The following TXNDC16 variants were observed in gnomAD, a reference collection of about 807,000 sequenced individuals.
The protein encoded by TXNDC16 is thioredoxin domain containing 16.
Under a neutral mutation model 85.6 loss-of-function variants are expected in TXNDC16, and 74 were observed. The ratio of observed to expected loss-of-function variants is 0.86; its 90% CI spans 0.72 to 1.05. The LOEUF is 1.05. TXNDC16 is among the 50% of genes least tolerant of loss of function. The probability of loss-of-function intolerance (pLI) is 0.00; values close to 1 mark genes in which losing one functional copy is unlikely to be tolerated. For missense variants in TXNDC16, 959 were observed against 947.0 expected (o/e 1.01, Z -0.17); for synonymous variants, 335 against 326.5 (o/e 1.03, Z -0.28).
At chr14:52,490,586 A>G (rs1055774351) in intron 10 of TXNDC16, 135 bp from the exon 11 acceptor site, 28 of 799,064 alleles carry the variant, frequency 3.5e-5, no homozygotes, top group Admixed American at 1.5e-4. Context: ...TGACTGAAAA[A>G]TTTTACACGT....
At chr14:52,527,509 G>T (rs965797882) in intron 6 of TXNDC16, among the ~76,000 whole-genome samples, 1 of 152,094 alleles carries the variant, frequency 6.6e-6, no homozygotes, top group Admixed American at 6.6e-5. Flanking sequence ...TTCCTCTTCT[G>T]CTCTTATATT....
chr14:52,534,039 G>A (rs2037644608), intron 6 of TXNDC16, among the ~76,000 whole-genome samples: 1 of 152,072 alleles, frequency 6.6e-6, no homozygotes, highest in African/African-American at 2.4e-5. Flanking sequence ...GTATGGTGAG[G>A]GCAGCTTCCC....
In TXNDC16 at chr14:52,543,433, G is replaced by T; in HGVS notation, c.125C>A (p.Pro42Gln). ...SPQKYFSTLQPGKASLAYFCQ... is the reference protein window; with the variant it reads ...SPQKYFSTLQQGKASLAYFCQ... ...AAAATAAGCTAAAGAGGCTTTTCCT[G>T]GTTGCAATGTACTAAAATATTTCTG... Residue 42 changes from proline to glutamine, a missense_variant, in exon 3 of 21, where the codon CCA becomes CAA. Coordinates refer to ENST00000281741, the MANE Select transcript of TXNDC16 (RefSeq NM_020784.3). The T allele has an allele frequency of 6.2e-7, 1 of 1,611,834 alleles. No individual in the cohort carries two copies. The highest frequency in any genetic ancestry group is 8.5e-7 in the Non-Finnish European group (1 of 1,179,232).
At chr14:52,460,769 T>C (rs1177328175) in intron 16 of TXNDC16, among the ~76,000 whole-genome samples, 1 of 152,018 alleles carries the variant, frequency 6.6e-6, no homozygotes, top group East Asian at 1.9e-4. Context: ...GTCTATAGAA[T>C]ATGTCTCTTC....
chr14:52,491,345 C>CG (rs2036401090), intron 9 of TXNDC16, among the ~76,000 whole-genome samples: 11 of 107,496 alleles, frequency 1.0e-4, no homozygotes, highest in Admixed American at 2.1e-4. Flanking sequence ...CCATGCCTAG[C>CG]TTTTTTTTTT....
intron 10 of TXNDC16, among the ~76,000 whole-genome samples, 166 bp from the exon 11 acceptor site, chr14:52,490,617 A>C (rs1329740049): frequency 6.6e-6 from 1 of 152,230 alleles, no homozygotes; most frequent in Non-Finnish European, 1.5e-5. Flanking sequence ...CAGATTTTCT[A>C]GTCTCCATCT....
chr14:52,497,834 T>C (rs1255437480), intron 9 of TXNDC16, among the ~76,000 whole-genome samples: 3 of 148,412 alleles, frequency 2.0e-5, no homozygotes, highest in African/African-American at 7.6e-5. Flanking sequence ...TGAGCCGAGA[T>C]TGCGCCACTG....
In TXNDC16 at chr14:52,544,477, C is replaced by A. The variant is rs191875801; in HGVS notation, c.-181-106G>T. On this transcript the variant is annotated intron_variant, in intron 1 of 20. Coordinates refer to ENST00000281741, the MANE Select transcript of TXNDC16 (RefSeq NM_020784.3). ...TATTTTTAAAATTTCAAACAGGACC[C>A]ATCTCTTTCAAATGCAAGCTCACTA... is the stretch of plus-strand genomic sequence containing the variant. The A allele has an allele frequency of 2.7e-4, 41 of 152,016 alleles. No individual in the cohort carries two copies. In the East Asian group the frequency reaches 6.2e-3, roughly 23 times the overall value. The allele number at this position is 152,016 out of a possible 1,614,324, so 9.4% of individuals were successfully genotyped here.
At position 52,431,936 on chromosome 14, in the gene TXNDC16, C is replaced by T. The variant is rs143569645; in HGVS notation, c.*368G>A. 92 of 180,450 alleles carry T rather than the reference C, an allele frequency of 5.1e-4. No individual in the cohort carries two copies. The East Asian group carries it at 9.8e-3, about 19-fold the overall frequency. 11.2% of individuals were successfully genotyped at this position (180,450 alleles called of 1,614,324 possible). On this transcript the variant is annotated 3_prime_UTR_variant, in exon 21 of 21. Transcript: ENST00000281741. ...AACTGTCCAATACAGTAGTCACAGG[C>T]CACATGTGGCAAGGAACACTTGAAA...
intron 6 of TXNDC16, among the ~76,000 whole-genome samples, chr14:52,535,157 C>T (rs571475488): frequency 6.6e-6 from 1 of 152,246 alleles, no homozygotes; most frequent in African/African-American, 2.4e-5. Flanking sequence ...CATCAGGTAT[C>T]CACCGGAAAA....
rs905738769 is a variant in TXNDC16 at position 52,542,522 on chromosome 14, C to T, written c.161-69G>A. 2.8e-5 allele frequency: 30 copies of T among 1,078,358 alleles called. No individual in the cohort carries two copies. In the African/African-American group the frequency reaches 4.4e-4, roughly 16 times the overall value. The allele number at this position is 1,078,358 out of a possible 1,614,324, so 66.8% of individuals were successfully genotyped here. ...AAAAATGAATTTTAAAATCTGCAAA[C>T]ACAGAATAGATTCATTTGTCCAACT... is the stretch of plus-strand genomic sequence containing the variant. On this transcript the variant is annotated intron_variant, in intron 3 of 20. Transcript: ENST00000281741.
intron 6 of TXNDC16, among the ~76,000 whole-genome samples, chr14:52,534,586 C>G (rs1006237): frequency 1.5e-4 from 23 of 151,876 alleles, no homozygotes; most frequent in Non-Finnish European, 2.6e-4. Context: ...AGCACTTACC[C>G]TTTAACATTC....
chr14:52,467,765 G>GA (rs1467084920), intron 16 of TXNDC16, among the ~76,000 whole-genome samples: 1 of 152,092 alleles, frequency 6.6e-6, no homozygotes, highest in African/African-American at 2.4e-5. Flanking sequence ...CAAAATAATT[G>GA]AAAGCAGAGT....
chr14:52,434,354 T>G (rs2034978592), intron 20 of TXNDC16, among the ~76,000 whole-genome samples: 2 of 152,234 alleles, frequency 1.3e-5, no homozygotes, highest in Admixed American at 1.3e-4. Context: ...TCTACAAAGA[T>G]CTTAATGTTT....
chr14:52,506,777 C>T lies in TXNDC16; in HGVS notation c.756+4463G>A, dbSNP rs1366796398. On this transcript the variant is annotated intron_variant, in intron 9 of 20. Transcript: ENST00000281741. Reference sequence around the variant, plus strand: ...TTCACCTTGTTAGCCAGGATGGTCTCGATCTCCTGACCTCATGATCCACCC... The same window carrying T: ...TTCACCTTGTTAGCCAGGATGGTCTTGATCTCCTGACCTCATGATCCACCC... Among the ~76,000 whole-genome samples, 24 of 142,958 alleles carry T rather than the reference C, an allele frequency of 1.7e-4. 5 individuals are homozygous for T. The East Asian group carries it at 5.0e-3, about 30-fold the overall frequency. 93.8% of individuals were successfully genotyped at this position (142,958 alleles called of 152,430 possible).
chr14:52,478,349 T>G (rs2036065366), intron 14 of TXNDC16, among the ~76,000 whole-genome samples: 1 of 151,720 alleles, frequency 6.6e-6, no homozygotes, highest in Non-Finnish European at 1.5e-5. Context: ...TAAATGAAAT[T>G]GAAACAACAA....
chr14:52,454,502 T>C (rs989700182), intron 18 of TXNDC16, among the ~76,000 whole-genome samples: 1 of 150,026 alleles, frequency 6.7e-6, no homozygotes, highest in Non-Finnish European at 1.5e-5. Flanking sequence ...AATTAGAAAT[T>C]AAAAACTTTT....
intron 9 of TXNDC16, among the ~76,000 whole-genome samples, chr14:52,500,964 C>T (rs1403569003): frequency 1.3e-5 from 2 of 152,112 alleles, no homozygotes; most frequent in Non-Finnish European, 2.9e-5. Context: ...TAAACTGAAT[C>T]CATCATGGAG....
At chr14:52,443,367 A>AT (rs2035208842) in intron 18 of TXNDC16, among the ~76,000 whole-genome samples, 1 of 152,106 alleles carries the variant, frequency 6.6e-6, no homozygotes, top group Non-Finnish European at 1.5e-5. Flanking sequence ...GGACCGTGTG[A>AT]TTTTTATTAG....
Sources: gnomAD v4.1 joint callset for allele counts (sites outside exome capture counted in the v4.1 genomes callset) on GRCh38, gnomAD v4.1.1 for gene constraint, MANE v1.5 for transcripts, NCBI Gene and HGNC (gene_info 2026-07-23, HGNC 2026-07-21) for gene names.